PDZRN4: variants seen among roughly 807,000 people sequenced by gnomAD.
PDZRN4 encodes PDZ domain-containing RING finger protein 4.
PDZRN4 carries 70 observed loss-of-function variants against 99.0 expected under a neutral mutation model. The observed-to-expected ratio is 0.71, with a 90% confidence interval of 0.58 to 0.86. The LOEUF is 0.86. Ranked by LOEUF, PDZRN4 falls within the 40% of genes least tolerant of loss-of-function variation. The pLI, the probability that PDZRN4 is intolerant of heterozygous loss-of-function variation, is 0.00. For missense variants in PDZRN4, 1,474 were observed against 1,331.2 expected (o/e 1.11, Z -1.67); for synonymous variants, 551 against 501.6 (o/e 1.10, Z -1.32).
At chr12:41,388,106 T>C (rs1353096071) in intron 3 of PDZRN4, among the ~76,000 whole-genome samples, 1 of 152,202 alleles carries the variant, frequency 6.6e-6, no homozygotes, top group East Asian at 1.9e-4. Flanking sequence ...AAGAATGAGA[T>C]AATGTCCTTT....
At chr12:41,395,392 T>C (rs978094770) in intron 3 of PDZRN4, among the ~76,000 whole-genome samples, 1 of 152,132 alleles carries the variant, frequency 6.6e-6, no homozygotes, top group African/African-American at 2.4e-5. Flanking sequence ...AATTATTTGA[T>C]TGGGTCTCAG....
intron 3 of PDZRN4, among the ~76,000 whole-genome samples, chr12:41,268,797 G>A (rs1369791174): frequency 6.6e-6 from 1 of 152,066 alleles, no homozygotes; most frequent in Non-Finnish European, 1.5e-5. Flanking sequence ...GAAGAGGTTG[G>A]TGTGTTTCTA....
intron 1 of PDZRN4, among the ~76,000 whole-genome samples, chr12:41,191,238 G>A (rs1293818170): frequency 6.6e-6 from 1 of 152,022 alleles, no homozygotes; most frequent in African/African-American, 2.4e-5. Context: ...TTGAAAATAG[G>A]GCTTTTTCCC....
chr12:41,325,109 T>C (rs1396792940), intron 3 of PDZRN4, among the ~76,000 whole-genome samples: 1 of 152,138 alleles, frequency 6.6e-6, no homozygotes, highest in Non-Finnish European at 1.5e-5. Flanking sequence ...TAATTAATGT[T>C]TGTGAAATAA....
intron 3 of PDZRN4, among the ~76,000 whole-genome samples, chr12:41,281,230 A>G (rs544790161): frequency 2.7e-4 from 41 of 152,074 alleles, no homozygotes; most frequent in African/African-American, 9.4e-4. Flanking sequence ...AGCAAAGATC[A>G]AAGGTAGATA....
chr12:41,483,006 T>A (rs1159303867), intron 3 of PDZRN4, among the ~76,000 whole-genome samples: 1 of 151,828 alleles, frequency 6.6e-6, no homozygotes, highest in Non-Finnish European at 1.5e-5. Flanking sequence ...AAATTCATAT[T>A]GATATTAAAA....
chr12:41,292,835 A>C (rs765810932), intron 3 of PDZRN4, among the ~76,000 whole-genome samples: 3 of 152,064 alleles, frequency 2.0e-5, no homozygotes, highest in Non-Finnish European at 4.4e-5. Flanking sequence ...GTAATGTTTT[A>C]GACTCTATAT....
intron 3 of PDZRN4, among the ~76,000 whole-genome samples, chr12:41,373,027 A>T (rs1424929665): frequency 6.6e-6 from 1 of 152,178 alleles, no homozygotes; most frequent in Admixed American, 6.6e-5. Flanking sequence ...GAGACATCAC[A>T]TGTCAGCAGG....
chr12:41,190,382 C>T (rs1301312416), intron 1 of PDZRN4, among the ~76,000 whole-genome samples: 1 of 152,116 alleles, frequency 6.6e-6, no homozygotes, highest in Non-Finnish European at 1.5e-5. Context: ...CGGGAGGACC[C>T]GGGGAAAAGC....
chr12:41,435,613 C>T (rs928720428), intron 3 of PDZRN4, among the ~76,000 whole-genome samples: 1 of 151,982 alleles, frequency 6.6e-6, no homozygotes, highest in Non-Finnish European at 1.5e-5. Flanking sequence ...ATGGTGAAAC[C>T]CCGTCTCTAC....
chr12:41,517,562 A>G (rs1003132718), intron 5 of PDZRN4, among the ~76,000 whole-genome samples: 13 of 152,136 alleles, frequency 8.5e-5, no homozygotes, highest in Non-Finnish European at 1.9e-4. Context: ...GCAATAAAAT[A>G]GAGTGGAAGG....
At chr12:41,425,676 T>C (rs1211778635) in intron 3 of PDZRN4, among the ~76,000 whole-genome samples, 3 of 152,214 alleles carry the variant, frequency 2.0e-5, no homozygotes, top group African/African-American at 7.2e-5. Context: ...GGATTCACTT[T>C]TTATTCAACT....
chr12:41,439,360 A>G (rs2730828), intron 3 of PDZRN4, among the ~76,000 whole-genome samples: 79,174 of 151,976 alleles, frequency 0.52, 21,341 homozygotes, highest in African/African-American at 0.68. Context: ...CACTTTCCTT[A>G]GTTTGGTTGT....
chr12:41,365,665 A>G (rs141100796), intron 3 of PDZRN4, among the ~76,000 whole-genome samples: 1 of 152,232 alleles, frequency 6.6e-6, no homozygotes, highest in African/African-American at 2.4e-5. Context: ...CCCCTCTTTG[A>G]GCCCGAATCA....
At chr12:41,240,730 G>A (rs918908016) in intron 3 of PDZRN4, among the ~76,000 whole-genome samples, 2 of 152,288 alleles carry the variant, frequency 1.3e-5, no homozygotes, top group East Asian at 3.9e-4. Flanking sequence ...CCTTCGTGTT[G>A]TGTCCTCACA....
At chr12:41,393,716 G>A (rs1952226259) in intron 3 of PDZRN4, among the ~76,000 whole-genome samples, 1 of 152,066 alleles carries the variant, frequency 6.6e-6, no homozygotes, top group African/African-American at 2.4e-5. Context: ...CTCTATGTAG[G>A]GCTGACTGAG....
At chr12:41,340,002 TGAATAACCTTATG>T (rs1193754202) in intron 3 of PDZRN4, among the ~76,000 whole-genome samples, 1 of 152,102 alleles carries the variant, frequency 6.6e-6, no homozygotes, top group Non-Finnish European at 1.5e-5. Flanking sequence ...ACAGCCACTA[TGAATAACCTTATG>T]AAAGTTCCTC....
intron 3 of PDZRN4, among the ~76,000 whole-genome samples, chr12:41,319,821 C>A (rs538343425): frequency 6.6e-6 from 1 of 152,330 alleles, no homozygotes; most frequent in East Asian, 1.9e-4. Context: ...TGTGGTTGCA[C>A]CCCGGGTGCA....
chr12:41,231,311 C>T (rs147192167), intron 3 of PDZRN4, among the ~76,000 whole-genome samples: 2 of 152,134 alleles, frequency 1.3e-5, no homozygotes, highest in African/African-American at 2.4e-5. Context: ...TGTTAACATG[C>T]CTTTGTGCCA....
Sources: gnomAD v4.1 joint callset for allele counts (sites outside exome capture counted in the v4.1 genomes callset) on GRCh38, gnomAD v4.1.1 for gene constraint, MANE v1.5 for transcripts, NCBI Gene and HGNC (gene_info 2026-07-23, HGNC 2026-07-21) for gene names.